The following DDX50 variants were observed in gnomAD, a reference collection of about 807,000 sequenced individuals.
DDX50 encodes ATP-dependent RNA helicase DDX50.
Under a neutral mutation model 94.8 loss-of-function variants are expected in DDX50, and 56 were observed. That is an observed-to-expected ratio of 0.59 (90% CI 0.48 to 0.74). DDX50 has a LOEUF of 0.74. Among genes scored for constraint, DDX50 ranks in the 30% least tolerant of loss-of-function variants. The probability of loss-of-function intolerance (pLI) is 0.00; values close to 1 mark genes in which losing one functional copy is unlikely to be tolerated. For missense variants in DDX50, 713 were observed against 881.2 expected (o/e 0.81, Z 2.42); for synonymous variants, 264 against 295.4 (o/e 0.89, Z 1.09).
Position 68,931,426 on chromosome 10 carries a change from T to TATATACACACACAC in DDX50, c.1240-2772_1240-2771insTATACACACACACA, listed in dbSNP as rs375773633. ...ATATATATATGTATATATATATATA[T>TATATACACACACAC]ACACAAACACACACACACACAATTT... is the stretch of plus-strand genomic sequence containing the variant. On this transcript the variant is annotated intron_variant, in intron 8 of 14. Transcript: ENST00000373585. Among the ~76,000 whole-genome samples, 5 of 84,832 alleles carry TATATACACACACAC rather than the reference T, an allele frequency of 5.9e-5. 1 individual carries two copies. Among genetic ancestry groups the TATATACACACACAC allele is most frequent in the African/African-American group, 1.8e-4 (4 of 22,682 alleles). The allele number at this position is 84,832 out of a possible 152,430, so 55.7% of individuals were successfully genotyped here.
At chr10:68,940,955 G>T in intron 12 of DDX50, 105 bp from the exon 13 acceptor site, 1 of 1,426,864 alleles carries the variant, frequency 7.0e-7, no homozygotes, top group Non-Finnish European at 9.3e-7. Context: ...TATACTTTTG[G>T]CTCATAAGAA....
intron 8 of DDX50, among the ~76,000 whole-genome samples, chr10:68,931,391 A>AC (rs1235609556): frequency 3.6e-5 from 2 of 55,008 alleles, no homozygotes; most frequent in East Asian, 2.5e-3. Flanking sequence ...TTAAAAAAAA[A>AC]AATATATATA....
At chr10:68,938,284 G>A (rs1292394384) in intron 12 of DDX50, among the ~76,000 whole-genome samples, 1 of 152,212 alleles carries the variant, frequency 6.6e-6, no homozygotes, top group Non-Finnish European at 1.5e-5. Context: ...TGTGTGTGTG[G>A]AGGGGTTGTG....
intron 8 of DDX50, among the ~76,000 whole-genome samples, chr10:68,930,491 A>G (rs930084325): frequency 5.9e-5 from 9 of 152,148 alleles, no homozygotes; most frequent in Non-Finnish European, 1.0e-4. Flanking sequence ...TTTCCTTTAT[A>G]CATCATTTCT....
At chr10:68,930,306 C>G (rs1201626800) in intron 8 of DDX50, among the ~76,000 whole-genome samples, 1 of 151,584 alleles carries the variant, frequency 6.6e-6, no homozygotes, top group Non-Finnish European at 1.5e-5. Context: ...TTAGTAGAGA[C>G]GGGGTTTCAC....
At position 68,913,400 on chromosome 10, in the gene DDX50, T is replaced by C. The variant is rs1333623280; in HGVS notation, c.767T>C (p.Ile256Thr). 6.2e-7 allele frequency: 1 copy of C among 1,611,540 alleles called. No homozygotes were observed. The highest frequency in any genetic ancestry group is 8.5e-7 in the Non-Finnish European group (1 of 1,179,148). ...TTCTCTCTTCTCACAGTTAATCATA[T>C]TCGAAATGGTATTGACATCTTGGTT... ...GTSYQSQINH[I>T]RNGIDILVGT... Residue 256 changes from isoleucine to threonine, a missense_variant, in exon 6 of 15, where the codon ATT becomes ACT. By Grantham distance (89) the Ile-to-Thr change is moderately conservative. This residue lies in a region of DDX50 where 428 missense variants were observed against 602.3 expected (regional missense o/e 0.71). Coordinates refer to ENST00000373585, the MANE Select transcript of DDX50 (RefSeq NM_024045.2).
At chr10:68,936,515 AATATATATATATAT>A (rs869117307) in intron 11 of DDX50, among the ~76,000 whole-genome samples, 2,917 of 53,060 alleles carry the variant, frequency 0.055, 264 homozygotes, top group African/African-American at 0.13. Context: ...AAAAAAAAAA[AATATATATATATAT>A]ATATATATAT....
At chr10:68,927,469 GA>G (rs1842121472) in intron 8 of DDX50, among the ~76,000 whole-genome samples, 1 of 151,912 alleles carries the variant, frequency 6.6e-6, no homozygotes, top group Non-Finnish European at 1.5e-5. Flanking sequence ...TTTCATGGAG[GA>G]AAAAAGAATA....
intron 7 of DDX50, among the ~76,000 whole-genome samples, chr10:68,916,517 A>G (rs1841799319): frequency 6.6e-6 from 1 of 152,112 alleles, no homozygotes; most frequent in Admixed American, 6.6e-5. Context: ...GAATAGTATA[A>G]AGAACATGAT....
chr10:68,933,256 G>A (rs997672422), intron 8 of DDX50, among the ~76,000 whole-genome samples: 2 of 152,078 alleles, frequency 1.3e-5, no homozygotes, highest in Non-Finnish European at 2.9e-5. Context: ...TTTTAGTAGA[G>A]ACAGAGTTTC....
rs1564620730 is a variant in DDX50 at position 68,946,095 on chromosome 10, TA to T, written c.1936-256del. Among the ~76,000 whole-genome samples the T allele has an allele frequency of 1.3e-5, 2 of 151,978 alleles. 1 individual carries two copies. On this transcript the variant is annotated intron_variant, in intron 14 of 14. Coordinates refer to ENST00000373585, the MANE Select transcript of DDX50 (RefSeq NM_024045.2). ...AATGTATATTTAGAATGTATATTTA[TA>T]GAATGTATTTAATTAGTACATGTAA...
chr10:68,920,947 C>CA (rs11367137), intron 8 of DDX50, among the ~76,000 whole-genome samples: 16 of 86,110 alleles, frequency 1.9e-4, no homozygotes, highest in Non-Finnish European at 3.1e-4. Flanking sequence ...GACTCCATCT[C>CA]AAAAAAAAAA....
Position 68,936,957 on chromosome 10 carries a change from C to T in DDX50, c.1617C>T (p.Tyr539=), listed in dbSNP as rs5030895. The change falls in exon 12 of 15, where the codon TAC becomes TAT. Residue 539 remains tyrosine, a synonymous_variant. Transcript: ENST00000373585. ...DAIRSLASVS[Y]AAVDFFRPSA... ...ATAGGTCTCTGGCTTCCGTTTCTTA[C>T]GCTGCTGTTGATTTTTTCCGACCAT... The T allele has an allele frequency of 0.92, 1,482,350 of 1,608,538 alleles. 683,634 individuals carry two copies. Among genetic ancestry groups the T allele is most frequent in the East Asian group, 1 (44,616 of 44,828 alleles).
rs151111485 is a variant in DDX50 at position 68,920,889 on chromosome 10, G to A, written c.1239+908G>A. Among the ~76,000 whole-genome samples the A allele has an allele frequency of 9.7e-4, 145 of 149,596 alleles. 4 individuals are homozygous for A. The East Asian group carries it at 0.026, about 26-fold the overall frequency. On this transcript the variant is annotated intron_variant, in intron 8 of 14. Transcript: ENST00000373585. ...GAACCCAGGAGTTCAGTGATGTAGC[G>A]GGGAGCTGAGATTGTGCCACTACAC...
intron 7 of DDX50, among the ~76,000 whole-genome samples, chr10:68,918,957 G>A (rs1841875190): frequency 6.6e-6 from 1 of 152,050 alleles, no homozygotes; most frequent in Non-Finnish European, 1.5e-5. Context: ...TTCTTACTGT[G>A]CCTTTTCTAT....
At chr10:68,918,055 G>T (rs1841847766) in intron 7 of DDX50, among the ~76,000 whole-genome samples, 1 of 152,036 alleles carries the variant, frequency 6.6e-6, no homozygotes, top group Admixed American at 6.6e-5. Context: ...CTCCTGAGTA[G>T]CTGGGATTAC....
At chr10:68,909,450 G>A (rs951779819) in intron 2 of DDX50, among the ~76,000 whole-genome samples, 1 of 152,112 alleles carries the variant, frequency 6.6e-6, no homozygotes, top group Non-Finnish European at 1.5e-5. Context: ...GCTTTCAAAC[G>A]CTGTAGAATA....
Position 68,901,373 on chromosome 10 carries a change from C to T in DDX50, c.-12C>T, listed in dbSNP as rs552395581. On this transcript the variant is annotated 5_prime_UTR_variant, in exon 1 of 15. Transcript: ENST00000373585. ...GGCCACTGTGCCCGGAGGGAGGCGG[C>T]GGTGGCCAGTAATGCCTGGGAAACT... is the stretch of plus-strand genomic sequence containing the variant. 2.0e-6 allele frequency: 3 copies of T among 1,531,148 alleles called. No individual in the cohort carries two copies. Among genetic ancestry groups the T allele is most frequent in the South Asian group, 2.4e-5 (2 of 81,908 alleles). The allele number at this position is 1,531,148 out of a possible 1,614,324, so 94.8% of individuals were successfully genotyped here.
chr10:68,935,435 T>C (rs527409649), intron 10 of DDX50, among the ~76,000 whole-genome samples: 1 of 152,266 alleles, frequency 6.6e-6, no homozygotes, highest in East Asian at 1.9e-4. Context: ...TGTTTTTTTT[T>C]CAAATCAGGC....
Sources: gnomAD v4.1 joint callset for allele counts (sites outside exome capture counted in the v4.1 genomes callset) on GRCh38, gnomAD v4.1.1 for gene constraint, gnomAD v4.1.1 regional missense constraint, MANE v1.5 for transcripts, NCBI Gene and HGNC (gene_info 2026-07-23, HGNC 2026-07-21) for gene names.